The following SLC49A4 variants were observed in gnomAD, a reference collection of about 807,000 sequenced individuals.
SLC49A4 encodes disrupted in renal cancer protein 2.
A neutral mutation model predicts 50.6 loss-of-function variants in SLC49A4; 36 were observed. That is an observed-to-expected ratio of 0.71 (90% CI 0.55 to 0.94). The LOEUF is 0.94. SLC49A4 is among the 40% of genes least tolerant of loss of function. The probability of loss-of-function intolerance (pLI) is 0.00; values close to 1 mark genes in which losing one functional copy is unlikely to be tolerated. For missense variants in SLC49A4, 503 were observed against 605.7 expected (o/e 0.83, Z 1.78); for synonymous variants, 248 against 241.2 (o/e 1.03, Z -0.26).
chr3:122,879,246 G>GT lies in SLC49A4; in HGVS notation c.1322-10dup, dbSNP rs753393901. The GT allele has an allele frequency of 9.4e-6, 15 of 1,590,280 alleles. No individual in the cohort carries two copies. Among genetic ancestry groups the GT allele is most frequent in the Admixed American group, 1.7e-5 (1 of 59,894 alleles). ...GATACATGAATGTTTAAAACTGCAT[G>GT]TTTTTTTGTCTTACAGAGTTGTCTT... On this transcript the variant is annotated splice_polypyrimidine_tract_variant and intron_variant, in intron 8 of 8. Transcript: ENST00000261038.
At chr3:122,854,695 G>C (rs1165794539) in intron 5 of SLC49A4, among the ~76,000 whole-genome samples, 1 of 152,210 alleles carries the variant, frequency 6.6e-6, no homozygotes, top group Non-Finnish European at 1.5e-5. Flanking sequence ...ATGGTCACCT[G>C]TTCCAGCTAG....
In SLC49A4 at chr3:122,833,366, A is replaced by G. The variant is rs1576299918; in HGVS notation, c.753A>G (p.Pro251=). The G allele has an allele frequency of 6.2e-7, 1 of 1,613,252 alleles. No individual in the cohort carries two copies. The highest frequency in any genetic ancestry group is 8.5e-7 in the Non-Finnish European group (1 of 1,179,622). The part of the protein sequence containing the change: ...LIFSATLAYF[P]PRPPLPPSVA... ...TTTCTGCAACACTAGCTTATTTCCCACCCCGACCTCCTCTTCCTCCCAGTG... is the reference window on the plus strand; with the variant it reads ...TTTCTGCAACACTAGCTTATTTCCCGCCCCGACCTCCTCTTCCTCCCAGTG... The change falls in exon 4 of 9, where the codon CCA becomes CCG. Residue 251 remains proline (P), a synonymous_variant. Transcript: ENST00000261038.
intron 2 of SLC49A4, among the ~76,000 whole-genome samples, chr3:122,809,937 T>A (rs185339664): frequency 3.9e-5 from 6 of 152,356 alleles, no homozygotes; most frequent in African/African-American, 1.4e-4. Context: ...CAATGCATGA[T>A]GAAGCTGTTA....
In SLC49A4 at chr3:122,826,815, A is replaced by G; in HGVS notation, c.453A>G (p.Gly151=). The change falls in exon 3 of 9, where the codon GGA becomes GGG. Residue 151 remains glycine (G), a synonymous_variant. Transcript: ENST00000261038. ...LILKRRLIHG[G]QMLNGLAGPT... ...TAAATTCCAGATTAATTCATGGAGG[A>G]CAGATGTTAAATGGATTGGCAGGTC... 1.9e-6 allele frequency: 3 copies of G among 1,613,916 alleles called. No individual in the cohort carries two copies. Among genetic ancestry groups the G allele is most frequent in the Non-Finnish European group, 2.5e-6 (3 of 1,179,790 alleles).
intron 4 of SLC49A4, among the ~76,000 whole-genome samples, chr3:122,843,447 ACT>A (rs1327034162): frequency 6.6e-6 from 1 of 152,050 alleles, no homozygotes; most frequent in Non-Finnish European, 1.5e-5. Flanking sequence ...TCAAAAATAG[ACT>A]CTTTTTAACA....
At chr3:122,825,770 C>T (rs890699468) in intron 2 of SLC49A4, among the ~76,000 whole-genome samples, 3 of 151,928 alleles carry the variant, frequency 2.0e-5, no homozygotes, top group African/African-American at 7.3e-5. Context: ...CAAGAGAGGT[C>T]GACACATCTC....
At chr3:122,825,288 T>C (rs1251717262) in intron 2 of SLC49A4, among the ~76,000 whole-genome samples, 1 of 152,192 alleles carries the variant, frequency 6.6e-6, no homozygotes, top group Non-Finnish European at 1.5e-5. Context: ...TGCTGGAACA[T>C]TTCTGTAATA....
intron 7 of SLC49A4, among the ~76,000 whole-genome samples, chr3:122,870,222 G>A (rs1937179709): frequency 1.3e-5 from 2 of 151,924 alleles, no homozygotes; most frequent in Admixed American, 1.3e-4. Context: ...AGTACTTGCT[G>A]GTCCTTAAGA....
At chr3:122,858,342 C>T (rs1358439765) in intron 6 of SLC49A4, among the ~76,000 whole-genome samples, 1 of 152,186 alleles carries the variant, frequency 6.6e-6, no homozygotes, top group Non-Finnish European at 1.5e-5. Context: ...TATACCTTGT[C>T]ATCTCTGTAT....
rs1937302293 is a variant in SLC49A4 at position 122,879,161 on chromosome 3, T to C, written c.1322-102T>C. 6 of 812,956 alleles carry C rather than the reference T, an allele frequency of 7.4e-6. No homozygotes were observed. In the Admixed American group the frequency reaches 1.3e-4, roughly 18 times the overall value. 50.4% of individuals were successfully genotyped at this position (812,956 alleles called of 1,614,324 possible). On this transcript the variant is annotated intron_variant, in intron 8 of 8. Coordinates refer to ENST00000261038, the MANE Select transcript of SLC49A4 (RefSeq NM_032839.3). ...TCTAGGCCTTCCAGGGTACATTTAT[T>C]ATAAGTACTTTTTAATGCAGAGCAG...
At chr3:122,816,344 A>G (rs1372637762) in intron 2 of SLC49A4, among the ~76,000 whole-genome samples, 1 of 152,054 alleles carries the variant, frequency 6.6e-6, no homozygotes, top group African/African-American at 2.4e-5. Flanking sequence ...CTAATTCTTT[A>G]TATCTCTCTT....
At chr3:122,876,838 C>A (rs1005248998) in intron 8 of SLC49A4, among the ~76,000 whole-genome samples, 2 of 152,158 alleles carry the variant, frequency 1.3e-5, no homozygotes, top group African/African-American at 4.8e-5. Flanking sequence ...GTGCAGAGCC[C>A]ACTTCACTGA....
intron 3 of SLC49A4, among the ~76,000 whole-genome samples, chr3:122,830,629 T>C (rs1936596351): frequency 6.6e-6 from 1 of 152,200 alleles, no homozygotes; most frequent in African/African-American, 2.4e-5. Context: ...AAGAATGAAT[T>C]TGAACCCCGT....
At chr3:122,816,737 AG>A (rs1014241648) in intron 2 of SLC49A4, among the ~76,000 whole-genome samples, 1 of 152,196 alleles carries the variant, frequency 6.6e-6, no homozygotes, top group Non-Finnish European at 1.5e-5. Context: ...CCTTCTCCCC[AG>A]GGAGATGACC....
At chr3:122,823,398 C>G (rs1936481042) in intron 2 of SLC49A4, among the ~76,000 whole-genome samples, 1 of 152,252 alleles carries the variant, frequency 6.6e-6, no homozygotes, top group African/African-American at 2.4e-5. Flanking sequence ...AGACCTCCAT[C>G]TGTACTCTTG....
chr3:122,856,611 C>T (rs373374484), intron 6 of SLC49A4, among the ~76,000 whole-genome samples: 10 of 151,868 alleles, frequency 6.6e-5, no homozygotes, highest in African/African-American at 2.2e-4. Flanking sequence ...CTGAGGCAGG[C>T]GGATTACCTG....
In SLC49A4 at chr3:122,879,428, C is replaced by A; in HGVS notation, c.*50C>A. 1.5e-6 allele frequency: 2 copies of A among 1,358,552 alleles called. No individual in the cohort carries two copies. Among genetic ancestry groups the A allele is most frequent in the South Asian group, 1.2e-5 (1 of 82,836 alleles). The allele number at this position is 1,358,552 out of a possible 1,614,324, so 84.2% of individuals were successfully genotyped here. ...AAGGAGGCTGGAAATCAATACTGCA[C>A]ACTGCACATTTGCTCAGAATTGCAC... On this transcript the variant is annotated 3_prime_UTR_variant, in exon 9 of 9. Transcript: ENST00000261038.
At position 122,803,564 on chromosome 3, in the gene SLC49A4, T is replaced by G. The variant is rs561720249; in HGVS notation, c.344-3293T>G. On this transcript the variant is annotated intron_variant, in intron 1 of 8. Transcript: ENST00000261038. ...GATTGGGGTGACAAGGCTGTGAGGG[T>G]TATGAGCAGGGAAAAGGGGATCTGC... 4.1e-4 allele frequency among the ~76,000 whole-genome samples: 62 copies of G among 152,306 alleles called. 1 individual carries two copies. The highest frequency in any genetic ancestry group is 1.3e-3 in the African/African-American group (53 of 41,562).
chr3:122,818,455 C>T (rs1936407655), intron 2 of SLC49A4, among the ~76,000 whole-genome samples: 1 of 151,868 alleles, frequency 6.6e-6, no homozygotes, highest in Non-Finnish European at 1.5e-5. Context: ...CTTCTTTATG[C>T]ATTTCTTTTC....
Sources: allele counts gnomAD v4.1 joint callset (sites outside exome capture counted in the v4.1 genomes callset), GRCh38; gene constraint gnomAD v4.1.1; transcripts MANE v1.5; gene names NCBI Gene and HGNC (gene_info 2026-07-23, HGNC 2026-07-21).